CD302: variants seen among roughly 807,000 people sequenced by gnomAD.
CD302 encodes CD302 molecule.
Under a neutral mutation model 26.5 loss-of-function variants are expected in CD302, and 23 were observed. That is an observed-to-expected ratio of 0.87 (90% CI 0.62 to 1.23). CD302 has a LOEUF of 1.23. CD302 is among the 50% of genes most tolerant of loss of function. The pLI is 0.00. For missense variants in CD302, 290 were observed against 275.5 expected (o/e 1.05, Z -0.37); for synonymous variants, 90 against 99.4 (o/e 0.91, Z 0.56).
chr2:159,783,821 T>C (rs1708588200), intron 1 of CD302, among the ~76,000 whole-genome samples: 1 of 152,216 alleles, frequency 6.6e-6, no homozygotes, highest in South Asian at 2.1e-4. Flanking sequence ...GAAGGTTATC[T>C]TTGCAGTATT....
At chr2:159,779,653 G>A (rs1272473193) in intron 4 of CD302, among the ~76,000 whole-genome samples, 1 of 151,368 alleles carries the variant, frequency 6.6e-6, no homozygotes, top group Non-Finnish European at 1.5e-5. Context: ...TTTTGAGACA[G>A]AGTGTTGCTC....
chr2:159,770,372 CTATCACTTTTT>C lies in CD302; in HGVS notation c.*1468_*1478del, dbSNP rs1708100162. The stretch of plus-strand genomic sequence containing the variant: ...ATGTAGCCGCACTGTTAATAGTTTT[CTATCACTTTTT>C]AGTTACTCATGTCTCATTAATGATA... On this transcript the variant is annotated 3_prime_UTR_variant, in exon 6 of 6. Transcript: ENST00000259053. The C allele has an allele frequency of 1.3e-5, 2 of 151,226 alleles. No homozygotes were observed. The highest frequency in any genetic ancestry group is 4.9e-5 in the African/African-American group (2 of 40,552). 9.4% of individuals were successfully genotyped at this position (151,226 alleles called of 1,614,324 possible).
At chr2:159,773,812 ATTGC>A (rs1232996683) in intron 5 of CD302, among the ~76,000 whole-genome samples, 3 of 152,198 alleles carry the variant, frequency 2.0e-5, no homozygotes, top group African/African-American at 4.8e-5. Flanking sequence ...GGAAAGGTCC[ATTGC>A]TTGCTTGACA....
At chr2:159,772,958 A>C (rs1708200968) in intron 5 of CD302, among the ~76,000 whole-genome samples, 2 of 152,166 alleles carry the variant, frequency 1.3e-5, no homozygotes, top group Non-Finnish European at 2.9e-5. Flanking sequence ...TAATTCTGAA[A>C]TAAAATTTGG....
intron 1 of CD302, among the ~76,000 whole-genome samples, chr2:159,791,004 T>G (rs1574501760): frequency 6.6e-6 from 1 of 152,364 alleles, no homozygotes; most frequent in Admixed American, 6.5e-5. Context: ...TCTTATACTT[T>G]ATAAATTAAA....
chr2:159,779,420 C>T lies in CD302; in HGVS notation c.469+585G>A, dbSNP rs140885283. Reference sequence around the variant, plus strand: ...ACATGATTACTCTTCACCACTTCTGCTCACTCAAATCACATGCAAAGAGAT... The same window carrying T: ...ACATGATTACTCTTCACCACTTCTGTTCACTCAAATCACATGCAAAGAGAT... On this transcript the variant is annotated intron_variant, in intron 4 of 5. Coordinates refer to ENST00000259053, the MANE Select transcript of CD302 (RefSeq NM_014880.5). Among the ~76,000 whole-genome samples the T allele has an allele frequency of 2.9e-3, 449 of 152,204 alleles. No individual in the cohort carries two copies. In the Middle Eastern group the frequency reaches 0.044, roughly 15 times the overall value.
chr2:159,776,677 T>C (rs1270461242), intron 5 of CD302, among the ~76,000 whole-genome samples: 1 of 150,446 alleles, frequency 6.6e-6, no homozygotes, highest in Non-Finnish European at 1.5e-5. Context: ...AATAGAAAAC[T>C]GGCAAAGGAC....
intron 5 of CD302, among the ~76,000 whole-genome samples, chr2:159,773,509 T>C (rs910325982): frequency 1.3e-5 from 2 of 152,178 alleles, no homozygotes; most frequent in Admixed American, 6.5e-5. Flanking sequence ...TTGAGAAATA[T>C]TTACAGACTC....
Position 159,780,162 on chromosome 2 carries a change from C to A in CD302, c.312G>T (p.Trp104Cys), listed in dbSNP as rs747066009. ...CAAATGTCATATTTGAATTATCAAA[C>A]CACTTGAAACTCGCATCTGTCAATT... ...FYDTDDASFKWFDNSNMTFDK... is the reference protein window; with the variant it reads ...FYDTDDASFKCFDNSNMTFDK... The change falls in exon 4 of 6, where the codon TGG becomes TGT. Residue 104 changes from tryptophan (W) to cysteine (C), a missense_variant. Coordinates refer to ENST00000259053, the MANE Select transcript of CD302 (RefSeq NM_014880.5). 1 of 1,613,396 alleles carries A rather than the reference C, an allele frequency of 6.2e-7. No individual in the cohort carries two copies. Among genetic ancestry groups the A allele is most frequent in the Non-Finnish European group, 8.5e-7 (1 of 1,179,694 alleles).
At chr2:159,795,337 T>C (rs781773171) in intron 1 of CD302, among the ~76,000 whole-genome samples, 41 of 152,154 alleles carry the variant, frequency 2.7e-4, no homozygotes, top group Non-Finnish European at 5.3e-4. Flanking sequence ...TTGAAAAAAA[T>C]TGCAATCCAC....
At chr2:159,782,079 T>G (rs1014542562) in intron 2 of CD302, among the ~76,000 whole-genome samples, 3 of 151,586 alleles carry the variant, frequency 2.0e-5, no homozygotes, top group Admixed American at 6.6e-5. Flanking sequence ...CCAGCCTGGT[T>G]AACGTGGTGA....
chr2:159,783,275 G>T, intron 2 of CD302, 84 bp downstream of exon 2: 1 of 1,147,278 alleles, frequency 8.7e-7, no homozygotes, highest in Non-Finnish European at 1.2e-6. Flanking sequence ...AAAGTCAGAT[G>T]TGACAAAATC....
chr2:159,778,071 TAATATC>T (rs33980712), intron 4 of CD302, 107 bp from the exon 5 acceptor site: 128,479 of 382,182 alleles, frequency 0.34, 22,415 homozygotes, highest in South Asian at 0.42. Flanking sequence ...ATTAGTAGCT[TAATATC>T]AATATATTCA....
rs895452815 is a variant in CD302 at position 159,770,902 on chromosome 2, GTT to G, written c.*947_*948del. 1.6e-4 allele frequency: 25 copies of G among 151,998 alleles called. No individual in the cohort carries two copies. The highest frequency in any genetic ancestry group is 4.6e-4 in the Admixed American group (7 of 15,268). 9.4% of individuals were successfully genotyped at this position (151,998 alleles called of 1,614,324 possible). ...AATTTATACATTCTTTATCTTTCCT[GTT>G]TTTGGTTTATTGATGGTGAGGAAAA... is the stretch of plus-strand genomic sequence containing the variant. On this transcript the variant is annotated 3_prime_UTR_variant, in exon 6 of 6. Transcript: ENST00000259053.
Position 159,768,775 on chromosome 2 carries a change from A to G in CD302, c.*3076T>C, listed in dbSNP as rs540648045. On this transcript the variant is annotated 3_prime_UTR_variant, in exon 6 of 6. Transcript: ENST00000259053. The stretch of plus-strand genomic sequence containing the variant: ...AAAATTTAAGGGTGGTAGTTTTAAT[A>G]TATTCTGTGGGTCCTAAGGGATGCT... 6.6e-6 allele frequency: 1 copy of G among 152,326 alleles called. No individual in the cohort carries two copies. Among genetic ancestry groups the G allele is most frequent in the Non-Finnish European group, 1.5e-5 (1 of 67,998 alleles). 9.4% of individuals were successfully genotyped at this position (152,326 alleles called of 1,614,324 possible). A position where few individuals can be genotyped will look rare whatever the true frequency, so the allele number is the denominator to read the frequency against.
chr2:159,797,617 C>T (rs1682495304), intron 1 of CD302, among the ~76,000 whole-genome samples: 1 of 152,206 alleles, frequency 6.6e-6, no homozygotes, highest in Non-Finnish European at 1.5e-5. Flanking sequence ...AACTGTTTTC[C>T]TGTTTAAACA....
chr2:159,793,391 C>T (rs1262291842), intron 1 of CD302, among the ~76,000 whole-genome samples: 2 of 151,688 alleles, frequency 1.3e-5, no homozygotes, highest in Non-Finnish European at 2.9e-5. Context: ...TCTAATAGAA[C>T]TCTCTGTTCC....
intron 2 of CD302, among the ~76,000 whole-genome samples, chr2:159,782,425 A>C (rs1708543433): frequency 6.7e-6 from 1 of 149,686 alleles, no homozygotes; most frequent in Non-Finnish European, 1.5e-5. Context: ...AAAAAAAAAA[A>C]AAAAAAAAAA....
At chr2:159,776,622 C>G (rs1214372384) in intron 5 of CD302, among the ~76,000 whole-genome samples, 1 of 151,964 alleles carries the variant, frequency 6.6e-6, no homozygotes, top group East Asian at 1.9e-4. Flanking sequence ...AAACCCAACA[C>G]TTCTTTTCTC....
Sources: gnomAD v4.1 joint callset for allele counts (sites outside exome capture counted in the v4.1 genomes callset) on GRCh38, gnomAD v4.1.1 for gene constraint, MANE v1.5 for transcripts, NCBI Gene and HGNC (gene_info 2026-07-23, HGNC 2026-07-21) for gene names.